Variants in ATXN10 observed in about 807,000 individuals in gnomAD.
The protein encoded by ATXN10 is ataxin-10.
ATXN10 carries 28 observed loss-of-function variants against 52.9 expected under a neutral mutation model. The observed-to-expected ratio is 0.53, with a 90% confidence interval of 0.39 to 0.73. ATXN10 has a LOEUF of 0.73. ATXN10 is among the 30% of genes least tolerant of loss of function. The probability of loss-of-function intolerance (pLI) is 0.00; values close to 1 mark genes in which losing one functional copy is unlikely to be tolerated. For missense variants in ATXN10, 565 were observed against 577.0 expected, an observed-to-expected ratio of 0.98 and a Z score of 0.21; for synonymous variants, 226 against 221.5, an observed-to-expected ratio of 1.02 and a Z score of -0.18.
At position 45,840,335 on chromosome 22, in the gene ATXN10, A is replaced by G. The variant is rs1047882030; in HGVS notation, c.1238-2656A>G. Among the ~76,000 whole-genome samples the G allele has an allele frequency of 3.3e-5, 5 of 152,036 alleles. No homozygotes were observed. Among genetic ancestry groups the G allele is most frequent in the African/African-American group, 1.2e-4 (5 of 41,314 alleles). On this transcript the variant is annotated intron_variant, in intron 10 of 11. Transcript: ENST00000252934. This position sits in a 1 kb window ranked among gnomAD's most constrained non-coding sequence, Gnocchi z 5.8. Reference sequence around the variant, plus strand: ...TGCAGTGTGATGAGAACTGTTAAAAAAGAGAGAGAGAATGCATTGGAAACA... The same window carrying G: ...TGCAGTGTGATGAGAACTGTTAAAAGAGAGAGAGAGAATGCATTGGAAACA...
At chr22:45,796,513 T>G (rs1233119385) in intron 9 of ATXN10, among the ~76,000 whole-genome samples, 1 of 152,218 alleles carries the variant, frequency 6.6e-6, no homozygotes, top group African/African-American at 2.4e-5. Flanking sequence ...TTACTGCTTT[T>G]GTGGCTCAAG....
rs571132830 is a variant in ATXN10, at chr22:45,732,757, A to G, written c.894+3167A>G. 2.4e-4 allele frequency among the ~76,000 whole-genome samples: 37 copies of G among 152,250 alleles called. 1 individual carries two copies. The highest frequency in any genetic ancestry group is 1.9e-3 in the South Asian group (9 of 4,822). On this transcript the variant is annotated intron_variant, in intron 7 of 11. Transcript: ENST00000252934. This position sits in a 1 kb window ranked among gnomAD's most constrained non-coding sequence, Gnocchi z 4.5. ...CATCCATGGTGGAAGTAGTTGTGCCATGGAAACCAGCAAATGCTACAAATC... is the reference window on the plus strand; with the variant it reads ...CATCCATGGTGGAAGTAGTTGTGCCGTGGAAACCAGCAAATGCTACAAATC...
rs529979927 is a variant in ATXN10, at chr22:45,774,973, C to T, written c.1174-31986C>T. On this transcript the variant is annotated intron_variant, in intron 9 of 11. Coordinates refer to ENST00000252934, the MANE Select transcript of ATXN10 (RefSeq NM_013236.4). This position sits in a 1 kb window ranked among gnomAD's most constrained non-coding sequence, Gnocchi z 6.2. ...CAAATAAATAAATAAAGGCAGGGGT[C>T]GGAGAAACACTAAAGTTTTTTGTTT... Among the ~76,000 whole-genome samples, 178 of 152,210 alleles carry T rather than the reference C, an allele frequency of 1.2e-3. 1 individual carries two copies. The highest frequency in any genetic ancestry group is 3.6e-3 in the African/African-American group (151 of 41,536).
rs1301805962 is a variant in ATXN10, at chr22:45,825,047, C to A, written c.1238-17944C>A. On this transcript the variant is annotated intron_variant, in intron 10 of 11. Transcript: ENST00000252934. The surrounding 1 kb of genome is among the most constrained non-coding windows in gnomAD (Gnocchi z 4.5). ...TCAGTAGCAGCTATTCCTCCTCCAT[C>A]CCCAGTCCTATGGCAGACAGCTGCT... 6.6e-6 allele frequency among the ~76,000 whole-genome samples: 1 copy of A among 152,220 alleles called. No individual in the cohort carries two copies. Among genetic ancestry groups the A allele is most frequent in the Non-Finnish European group, 1.5e-5 (1 of 68,036 alleles).
chr22:45,733,373 T>C lies in ATXN10; in HGVS notation c.894+3783T>C, dbSNP rs930637535. Among the ~76,000 whole-genome samples, 2 of 152,226 alleles carry C rather than the reference T, an allele frequency of 1.3e-5. No individual in the cohort carries two copies. The highest frequency in any genetic ancestry group is 1.3e-4 in the Admixed American group (2 of 15,274). ...TCCACATATTAAGGGCTTAAATTTT[T>C]GTATTACGCAAATAATGCTTGCTTT... is the stretch of plus-strand genomic sequence containing the variant. On this transcript the variant is annotated intron_variant, in intron 7 of 11. Transcript: ENST00000252934. The surrounding 1 kb of genome is among the most constrained non-coding windows in gnomAD (Gnocchi z 4.4).
chr22:45,698,088 C>T (rs989959413), intron 3 of ATXN10, among the ~76,000 whole-genome samples: 1 of 152,300 alleles, frequency 6.6e-6, no homozygotes, highest in African/African-American at 2.4e-5. Context: ...TTTTGTCTAT[C>T]ATGAGTCATG....
chr22:45,806,827 T>C lies in ATXN10; in HGVS notation c.1174-132T>C, dbSNP rs775790811. On this transcript the variant is annotated intron_variant, in intron 9 of 11. Transcript: ENST00000252934. ...TGTTTTATGTAGTTCTGGGTTGATA[T>C]AGATATTTCAGATAATAGTGCAAAC... is the stretch of plus-strand genomic sequence containing the variant. 8.2e-6 allele frequency: 6 copies of C among 733,344 alleles called. No individual in the cohort carries two copies. In the African/African-American group the frequency reaches 8.7e-5, roughly 11 times the overall value. 45.4% of individuals were successfully genotyped at this position (733,344 alleles called of 1,614,324 possible).
chr22:45,674,359 A>T (rs930338901), intron 1 of ATXN10: 4 of 152,254 alleles, frequency 2.6e-5, no homozygotes, highest in African/African-American at 9.7e-5. Flanking sequence ...AGGAAAGGTG[A>T]ACTGATGTGC....
At chr22:45,793,656 C>T (rs764195824) in intron 9 of ATXN10, 14 of 1,404,654 alleles carry the variant, frequency 1.0e-5, no homozygotes, top group South Asian at 2.0e-5. Flanking sequence ...GCCAAGGATG[C>T]AGGTGCCACA....
chr22:45,751,763 A>AAAAAAAAATAATAATAATAAT, intron 9 of ATXN10, among the ~76,000 whole-genome samples: 11 of 66,602 alleles, frequency 1.7e-4, no homozygotes, highest in East Asian at 9.2e-4. Context: ...AATAAAAAAA[A>AAAAAAAAATAATAATAATAAT]AATAATAATA....
rs1307738370 is a variant in ATXN10, at chr22:45,705,624, C to T, written c.647+2777C>T. Among the ~76,000 whole-genome samples, 1 of 151,992 alleles carries T rather than the reference C, an allele frequency of 6.6e-6. No homozygotes were observed. Among genetic ancestry groups the T allele is most frequent in the African/African-American group, 2.4e-5 (1 of 41,396 alleles). ...ATTTTTTTTGTATTTTTAGTAGAGACGGGGTTTCACCATCTTGGCCAGGTT... is the reference window on the plus strand; with the variant it reads ...ATTTTTTTTGTATTTTTAGTAGAGATGGGGTTTCACCATCTTGGCCAGGTT... On this transcript the variant is annotated intron_variant, in intron 5 of 11. Transcript: ENST00000252934. The surrounding 1 kb of genome is among the most constrained non-coding windows in gnomAD (Gnocchi z 5.2).
At position 45,825,088 on chromosome 22, in the gene ATXN10, A is replaced by G. The variant is rs1928773369; in HGVS notation, c.1238-17903A>G. 6.6e-6 allele frequency among the ~76,000 whole-genome samples: 1 copy of G among 152,212 alleles called. No homozygotes were observed. Among genetic ancestry groups the G allele is most frequent in the South Asian group, 2.1e-4 (1 of 4,832 alleles). On this transcript the variant is annotated intron_variant, in intron 10 of 11. Transcript: ENST00000252934. The surrounding 1 kb of genome is among the most constrained non-coding windows in gnomAD (Gnocchi z 4.5). ...GACAGCTGCTGTACACTGTTCCTAG[A>G]GCATCTTGCAAGCAGCTTGTGGGAG...
intron 10 of ATXN10, among the ~76,000 whole-genome samples, chr22:45,814,881 T>A (rs1928405223): frequency 6.6e-6 from 1 of 152,228 alleles, no homozygotes; most frequent in Non-Finnish European, 1.5e-5. Context: ...CTAGGTTGCA[T>A]GCTCCTTATG....
In ATXN10 at chr22:45,733,278, C is replaced by A. The variant is rs1484547841; in HGVS notation, c.894+3688C>A. 6.6e-6 allele frequency among the ~76,000 whole-genome samples: 1 copy of A among 152,158 alleles called. No individual in the cohort carries two copies. The highest frequency in any genetic ancestry group is 1.9e-4 in the East Asian group (1 of 5,204). On this transcript the variant is annotated intron_variant, in intron 7 of 11. Coordinates refer to ENST00000252934, the MANE Select transcript of ATXN10 (RefSeq NM_013236.4). The surrounding 1 kb of genome is among the most constrained non-coding windows in gnomAD (Gnocchi z 4.4). ...AGGCCATACTGTAGTACCTGTTATG[C>A]AGTAGGTATTACATATTTAATTACA...
At chr22:45,834,432 G>GGT (rs1467541593) in intron 10 of ATXN10, among the ~76,000 whole-genome samples, 4 of 152,162 alleles carry the variant, frequency 2.6e-5, no homozygotes, top group Non-Finnish European at 5.9e-5. Flanking sequence ...AAGCTCTGCC[G>GGT]GTGTGCTACT....
intron 6 of ATXN10, among the ~76,000 whole-genome samples, chr22:45,720,652 A>G (rs1924616171): frequency 6.6e-6 from 1 of 152,346 alleles, no homozygotes; most frequent in Non-Finnish European, 1.5e-5. Context: ...CTTGATACCC[A>G]TTAGGATGGC....
Position 45,757,234 on chromosome 22 carries a change from C to T in ATXN10, c.1173+16696C>T, listed in dbSNP as rs901109053. Among the ~76,000 whole-genome samples the T allele has an allele frequency of 6.6e-6, 1 of 152,158 alleles. No homozygotes were observed. The highest frequency in any genetic ancestry group is 1.5e-5 in the Non-Finnish European group (1 of 68,032). ...GCCTTGGAGCAGTTCGAAGAGAGGG[C>T]GTGTCCTTTGCCTGTTGGAATTCCA... On this transcript the variant is annotated intron_variant, in intron 9 of 11. Transcript: ENST00000252934. This position sits in a 1 kb window ranked among gnomAD's most constrained non-coding sequence, Gnocchi z 4.6.
intron 1 of ATXN10, among the ~76,000 whole-genome samples, chr22:45,687,224 G>A (rs1258448319): frequency 6.6e-6 from 1 of 152,162 alleles, no homozygotes; most frequent in Non-Finnish European, 1.5e-5. Flanking sequence ...CATAGTTCAT[G>A]AACTTAGTAT....
rs988635807 is a variant in ATXN10 at position 45,727,241 on chromosome 22, G to A, written c.729-2184G>A. Among the ~76,000 whole-genome samples the A allele has an allele frequency of 2.0e-5, 3 of 152,100 alleles. 1 individual carries two copies. The highest frequency in any genetic ancestry group is 1.5e-5 in the Non-Finnish European group (1 of 68,016). On this transcript the variant is annotated intron_variant, in intron 6 of 11. Transcript: ENST00000252934. This position sits in a 1 kb window ranked among gnomAD's most constrained non-coding sequence, Gnocchi z 4.6. ...AATTTCCGTGTATTTATGTAGTTTT[G>A]AGGGTTCCTTTTGGAATTGATTTCT...
Sources: allele counts gnomAD v4.1 joint callset (sites outside exome capture counted in the v4.1 genomes callset), GRCh38; gene constraint gnomAD v4.1.1; non-coding constraint Gnocchi (gnomAD v3.1); transcripts MANE v1.5; gene names NCBI Gene and HGNC (gene_info 2026-07-23, HGNC 2026-07-21).